The following FAM107B variants were observed in gnomAD, a reference collection of about 807,000 sequenced individuals.
The protein encoded by FAM107B is family with sequence similarity 107 member B, also known as protein FAM107B.
In FAM107B, 21 loss-of-function variants were observed where a neutral mutation model predicts 31.5. That is an observed-to-expected ratio of 0.67 (90% confidence interval 0.47 to 0.96). FAM107B has a LOEUF of 0.96. FAM107B is among the 40% of genes least tolerant of loss of function. The pLI is 0.00. For synonymous variants in FAM107B, 157 were observed against 141.5 expected, an observed-to-expected ratio of 1.11 and a Z score of -0.78; for missense variants, 452 against 377.1, an observed-to-expected ratio of 1.20 and a Z score of -1.64.
chr10:14,721,505 C>T (rs949386899), intron 1 of FAM107B, among the ~76,000 whole-genome samples: 32 of 152,202 alleles, frequency 2.1e-4, no homozygotes, highest in Non-Finnish European at 4.4e-4. Context: ...TCTCCAGCAT[C>T]TGTTGTTTCC....
chr10:14,700,857 C>G lies in FAM107B; in HGVS notation c.412-33166G>C, dbSNP rs2601736. The stretch of plus-strand genomic sequence containing the variant: ...AAAAAAAAAAAAAAAAAAAAACGCA[C>G]TAGGGTGAGTGCAAAAGTAGAGCTA... On this transcript the variant is annotated intron_variant, in intron 1 of 4. Coordinates refer to ENST00000181796, the MANE Select transcript of FAM107B (RefSeq NM_031453.4). Among the ~76,000 whole-genome samples, 12 of 132,714 alleles carry G rather than the reference C, an allele frequency of 9.0e-5. No individual in the cohort carries two copies. In the East Asian group the frequency reaches 2.7e-3, roughly 30 times the overall value. The allele number at this position is 132,714 out of a possible 152,430, so 87.1% of individuals were successfully genotyped here.
chr10:14,655,214 G>A (rs1854014505), intron 2 of FAM107B, among the ~76,000 whole-genome samples: 1 of 152,196 alleles, frequency 6.6e-6, no homozygotes, highest in South Asian at 2.1e-4. Context: ...CATTCATGAA[G>A]AAGGATCTGC....
rs868109539 is a variant in FAM107B at position 14,582,858 on chromosome 10, C to T, written c.470-52343G>A. Among the ~76,000 whole-genome samples the T allele has an allele frequency of 9.2e-5, 14 of 151,984 alleles. No homozygotes were observed. In the South Asian group the frequency reaches 1.5e-3, roughly 16 times the overall value. On this transcript the variant is annotated intron_variant, in intron 2 of 4. Coordinates refer to ENST00000181796, the MANE Select transcript of FAM107B (RefSeq NM_031453.4). ...CCCAGCACTTTGGGAGGCCAAGGCACGTGAACCACCTGAGGTCAGGAGTTC... is the reference window on the plus strand; with the variant it reads ...CCCAGCACTTTGGGAGGCCAAGGCATGTGAACCACCTGAGGTCAGGAGTTC...
intron 2 of FAM107B, among the ~76,000 whole-genome samples, chr10:14,628,860 C>T (rs924324157): frequency 6.6e-6 from 1 of 151,886 alleles, no homozygotes; most frequent in Non-Finnish European, 1.5e-5. Flanking sequence ...CAGCAAGACC[C>T]CATCTCTATA....
At chr10:14,684,483 G>A (rs914006804) in intron 1 of FAM107B, among the ~76,000 whole-genome samples, 1 of 151,974 alleles carries the variant, frequency 6.6e-6, no homozygotes, top group South Asian at 2.1e-4. Flanking sequence ...AAAATAAAAT[G>A]GCAACAATTC....
At chr10:14,670,239 T>G (rs527984428) in intron 1 of FAM107B, among the ~76,000 whole-genome samples, 1 of 152,358 alleles carries the variant, frequency 6.6e-6, no homozygotes, top group African/African-American at 2.4e-5. Context: ...TTTCTAAAAA[T>G]GTGTCCTACT....
At chr10:14,685,306 G>A (rs935693930) in intron 1 of FAM107B, among the ~76,000 whole-genome samples, 10 of 151,540 alleles carry the variant, frequency 6.6e-5, no homozygotes, top group African/African-American at 2.2e-4. Context: ...GTACCACCAT[G>A]ACCCGCTAAT....
In FAM107B at chr10:14,644,810, G is replaced by C. The variant is rs537803787; in HGVS notation, c.469+22824C>G. On this transcript the variant is annotated intron_variant, in intron 2 of 4. Coordinates refer to ENST00000181796, the MANE Select transcript of FAM107B (RefSeq NM_031453.4). The stretch of plus-strand genomic sequence containing the variant: ...AAAACCATCCTCCTTTTTGTGCATC[G>C]GACAGGAGAGGTCTTTCTTAGATGC... 1.6e-3 allele frequency among the ~76,000 whole-genome samples: 245 copies of C among 152,302 alleles called. 2 individuals are homozygous for C. The highest frequency in any genetic ancestry group is 5.5e-3 in the African/African-American group (228 of 41,566).
intron 2 of FAM107B, among the ~76,000 whole-genome samples, chr10:14,563,171 G>C (rs1850385170): frequency 6.6e-6 from 1 of 152,100 alleles, no homozygotes; most frequent in Non-Finnish European, 1.5e-5. Context: ...GAAATACTGG[G>C]GTTTTACACG....
intron 2 of FAM107B, among the ~76,000 whole-genome samples, chr10:14,563,137 A>G (rs1850383438): frequency 6.6e-6 from 1 of 152,240 alleles, no homozygotes; most frequent in African/African-American, 2.4e-5. Flanking sequence ...GGGAGAAAAC[A>G]GATCTTTGTT....
chr10:14,706,537 G>T (rs2131531407), intron 1 of FAM107B, among the ~76,000 whole-genome samples: 1 of 152,238 alleles, frequency 6.6e-6, no homozygotes, highest in Non-Finnish European at 1.5e-5. Context: ...TCACCCCAAA[G>T]TGAACTGGGA....
chr10:14,690,801 ATC>A (rs752334894), intron 1 of FAM107B, among the ~76,000 whole-genome samples: 33 of 152,146 alleles, frequency 2.2e-4, no homozygotes, highest in Non-Finnish European at 4.3e-4. Context: ...TTTGAGGGCC[ATC>A]TGTTTCCTGC....
At chr10:14,687,148 G>A (rs1855009647) in intron 1 of FAM107B, among the ~76,000 whole-genome samples, 1 of 152,166 alleles carries the variant, frequency 6.6e-6, no homozygotes, top group African/African-American at 2.4e-5. Flanking sequence ...ACTAATCCTT[G>A]TTAACCTCAT....
chr10:14,729,993 A>G (rs1016204733), intron 1 of FAM107B, among the ~76,000 whole-genome samples: 1 of 152,186 alleles, frequency 6.6e-6, no homozygotes, highest in Non-Finnish European at 1.5e-5. Flanking sequence ...AACAATGAGA[A>G]CACATGGACA....
chr10:14,767,731 A>C (rs1331728157), intron 1 of FAM107B, among the ~76,000 whole-genome samples: 1 of 152,240 alleles, frequency 6.6e-6, no homozygotes, highest in Non-Finnish European at 1.5e-5. Context: ...ATGGTGAAAG[A>C]CTGAAAGCTT....
At chr10:14,674,591 G>T (rs1056380588) in intron 1 of FAM107B, among the ~76,000 whole-genome samples, 6 of 152,148 alleles carry the variant, frequency 3.9e-5, no homozygotes, top group African/African-American at 1.2e-4. Flanking sequence ...AGCACTTAGC[G>T]TGAGTACAAA....
intron 1 of FAM107B, among the ~76,000 whole-genome samples, chr10:14,739,981 A>C (rs1856398996): frequency 6.6e-6 from 1 of 152,252 alleles, no homozygotes; most frequent in South Asian, 2.1e-4. Flanking sequence ...ATTGCGGAGA[A>C]GATATAGAGC....
intron 3 of FAM107B, among the ~76,000 whole-genome samples, chr10:14,528,815 A>C (rs1003016134): frequency 6.6e-6 from 1 of 152,216 alleles, no homozygotes; most frequent in African/African-American, 2.4e-5. Flanking sequence ...GCAATGACCC[A>C]AACTACTAAA....
chr10:14,730,166 T>C (rs1049417985), intron 1 of FAM107B, among the ~76,000 whole-genome samples: 5 of 152,174 alleles, frequency 3.3e-5, no homozygotes, highest in African/African-American at 9.7e-5. Flanking sequence ...GAAACAAACC[T>C]GCATGTTCTG....
Sources: gnomAD v4.1 joint callset for allele counts (sites outside exome capture counted in the v4.1 genomes callset) on GRCh38, gnomAD v4.1.1 for gene constraint, MANE v1.5 for transcripts, NCBI Gene and HGNC (gene_info 2026-07-23, HGNC 2026-07-21) for gene names.